The following ADAM23 variants were observed in gnomAD, a reference collection of about 807,000 sequenced individuals.
ADAM23 encodes the protein disintegrin and metalloproteinase domain-containing protein 23.
A neutral mutation model predicts 120.1 loss-of-function variants in ADAM23; 33 were observed. That is an observed-to-expected ratio of 0.27 (90% confidence interval 0.21 to 0.37). The LOEUF is 0.37. Among genes scored for constraint, ADAM23 ranks in the 10% least tolerant of loss-of-function variants. The probability of loss-of-function intolerance (pLI) is 1.00; values close to 1 mark genes in which losing one functional copy is unlikely to be tolerated. For synonymous variants in ADAM23, 367 were observed against 375.2 expected, an observed-to-expected ratio of 0.98 and a Z score of 0.25; for missense variants, 862 against 1,058.2, an observed-to-expected ratio of 0.81 and a Z score of 2.57.
intron 2 of ADAM23, among the ~76,000 whole-genome samples, chr2:206,477,227 A>G (rs1246080954): frequency 6.6e-6 from 1 of 152,188 alleles, no homozygotes; most frequent in Non-Finnish European, 1.5e-5. Context: ...TTAATATACC[A>G]TTAGATGCCA....
chr2:206,509,889 T>C (rs1365004559), intron 3 of ADAM23, among the ~76,000 whole-genome samples: 1 of 152,242 alleles, frequency 6.6e-6, no homozygotes, highest in Non-Finnish European at 1.5e-5. Flanking sequence ...GTGTGACACA[T>C]GAGTGATTCC....
chr2:206,493,739 T>C (rs866205874), intron 3 of ADAM23, among the ~76,000 whole-genome samples: 1 of 152,276 alleles, frequency 6.6e-6, no homozygotes, highest in East Asian at 1.9e-4. Flanking sequence ...ATTACAAATA[T>C]ATTTTTCCAT....
chr2:206,616,994 G>A (rs1315183190), intron 25 of ADAM23, among the ~76,000 whole-genome samples: 3 of 152,100 alleles, frequency 2.0e-5, no homozygotes, highest in Non-Finnish European at 4.4e-5. Context: ...TCCTTTGAGT[G>A]TACTGTCTTA....
rs543943125 is a variant in ADAM23 at position 206,618,802 on chromosome 2, T to A, written c.*1175T>A. On this transcript the variant is annotated 3_prime_UTR_variant, in exon 26 of 26. Coordinates refer to ENST00000264377, the MANE Select transcript of ADAM23 (RefSeq NM_003812.4). ...ACTAAGTTTCGAAAATTTTTTGATG[T>A]CATTATAAACCTATGTAAATAATGT... is the stretch of plus-strand genomic sequence containing the variant. 6.6e-6 allele frequency: 1 copy of A among 152,354 alleles called. No homozygotes were observed. Among genetic ancestry groups the A allele is most frequent in the East Asian group, 1.9e-4 (1 of 5,182 alleles). 9.4% of individuals were successfully genotyped at this position (152,354 alleles called of 1,614,324 possible). A position where few individuals can be genotyped will look rare whatever the true frequency, so the allele number is the denominator to read the frequency against.
chr2:206,473,848 AAAAT>A (rs1695717753), intron 2 of ADAM23, among the ~76,000 whole-genome samples: 1 of 151,536 alleles, frequency 6.6e-6, no homozygotes, highest in Admixed American at 6.6e-5. Context: ...TCTCTATGAA[AAAAT>A]AAATAAAAAT....
intron 3 of ADAM23, among the ~76,000 whole-genome samples, chr2:206,492,102 T>A (rs1696146365): frequency 6.6e-6 from 1 of 152,176 alleles, no homozygotes; most frequent in Non-Finnish European, 1.5e-5. Flanking sequence ...GAAAGACAAA[T>A]CTGTAGGCAT....
At chr2:206,473,446 T>C (rs1233683965) in intron 2 of ADAM23, among the ~76,000 whole-genome samples, 1 of 151,960 alleles carries the variant, frequency 6.6e-6, no homozygotes, top group Non-Finnish European at 1.5e-5. Flanking sequence ...TTACAAATAA[T>C]ATTTATGCCA....
chr2:206,617,691 A>T lies in ADAM23; in HGVS notation c.*64A>T, dbSNP rs1166277370. 6.2e-7 allele frequency: 1 copy of T among 1,601,928 alleles called. No individual in the cohort carries two copies. The highest frequency in any genetic ancestry group is 8.5e-7 in the Non-Finnish European group (1 of 1,174,106). On this transcript the variant is annotated 3_prime_UTR_variant, in exon 26 of 26. Transcript: ENST00000264377. Reference sequence around the variant, plus strand: ...ATTCTGGGTATGACATACTCGCAGCAGTGTTACTGGAACTATTAAGTTTGT... The same window carrying T: ...ATTCTGGGTATGACATACTCGCAGCTGTGTTACTGGAACTATTAAGTTTGT...
At chr2:206,562,796 CA>C (rs1697794066) in intron 13 of ADAM23, among the ~76,000 whole-genome samples, 1 of 152,214 alleles carries the variant, frequency 6.6e-6, no homozygotes, top group African/African-American at 2.4e-5. Context: ...GCCTTTTAAG[CA>C]TGGGAACAGG....
chr2:206,447,405 G>A (rs946917744), intron 2 of ADAM23, among the ~76,000 whole-genome samples: 1 of 152,160 alleles, frequency 6.6e-6, no homozygotes, highest in Non-Finnish European at 1.5e-5. Flanking sequence ...AGAGATAAAG[G>A]TTAAAAGGAT....
Position 206,561,108 on chromosome 2 carries a change from T to C in ADAM23, c.1170-20T>C, listed in dbSNP as rs545539852. The C allele has an allele frequency of 6.2e-7, 1 of 1,613,070 alleles. No homozygotes were observed. On this transcript the variant is annotated intron_variant, in intron 11 of 25. Coordinates refer to ENST00000264377, the MANE Select transcript of ADAM23 (RefSeq NM_003812.4). ...ATGGTCCACCACGTTGGTTTTCTGA[T>C]AGCACTGCTTTTTCTTAAGGCGGGT...
At chr2:206,509,917 C>G (rs1161043083) in intron 3 of ADAM23, among the ~76,000 whole-genome samples, 2 of 152,144 alleles carry the variant, frequency 1.3e-5, no homozygotes, top group African/African-American at 4.8e-5. Context: ...CTCCTGAGCC[C>G]GTGGCTTTGA....
At position 206,592,666 on chromosome 2, in the gene ADAM23, C is replaced by T. The variant is rs762340085; in HGVS notation, c.2008C>T (p.Arg670Cys). 2.5e-6 allele frequency: 4 copies of T among 1,613,860 alleles called. No individual in the cohort carries two copies. The highest frequency in any genetic ancestry group is 3.3e-5 in the Admixed American group (2 of 59,998). Residue 670 changes from arginine to cysteine, a missense_variant, in exon 22 of 26, where the codon CGT (arginine) becomes TGT (cysteine). Transcript: ENST00000264377. Reference sequence around the variant, plus strand: ...CTGTACCAATCTTACTCGAGCTCCACGTATTGGTCAACTTCAGGGTGAGAT... The same window carrying T: ...CTGTACCAATCTTACTCGAGCTCCATGTATTGGTCAACTTCAGGGTGAGAT... ...LLCTNLTRAPRIGQLQGEIIP... is the reference protein window; with the variant it reads ...LLCTNLTRAPCIGQLQGEIIP...
intron 18 of ADAM23, among the ~76,000 whole-genome samples, chr2:206,583,865 G>T (rs904211398): frequency 2.6e-5 from 4 of 152,026 alleles, no homozygotes; most frequent in Non-Finnish European, 4.4e-5. Context: ...GGTAAATCAG[G>T]AATTTCTTCT....
intron 3 of ADAM23, among the ~76,000 whole-genome samples, chr2:206,523,506 C>T (rs1045485550): frequency 4.6e-5 from 7 of 152,152 alleles, no homozygotes; most frequent in African/African-American, 1.7e-4. Context: ...CCCAGCCTCT[C>T]CATGTCCTCG....
chr2:206,522,499 G>A (rs138228414), intron 3 of ADAM23, among the ~76,000 whole-genome samples: 1 of 152,254 alleles, frequency 6.6e-6, no homozygotes, highest in East Asian at 1.9e-4. Flanking sequence ...AATGAAAAGA[G>A]TTCTTTTCCT....
intron 2 of ADAM23, among the ~76,000 whole-genome samples, chr2:206,480,662 T>G (rs1294795398): frequency 6.6e-6 from 1 of 152,138 alleles, no homozygotes; most frequent in East Asian, 1.9e-4. Flanking sequence ...AATGACAATA[T>G]TTATAAACAT....
chr2:206,473,681 T>C (rs1234730415), intron 2 of ADAM23, among the ~76,000 whole-genome samples: 2 of 151,828 alleles, frequency 1.3e-5, no homozygotes. Context: ...TCATTTGATT[T>C]CCTTAACCAT....
intron 9 of ADAM23, among the ~76,000 whole-genome samples, chr2:206,552,330 A>G (rs577237781): frequency 9.8e-5 from 15 of 152,320 alleles, no homozygotes; most frequent in African/African-American, 3.1e-4. Context: ...ACATGAAGCT[A>G]TCAATCAAAA....
Sources: gnomAD v4.1 joint callset for allele counts (sites outside exome capture counted in the v4.1 genomes callset) on GRCh38, gnomAD v4.1.1 for gene constraint, MANE v1.5 for transcripts, NCBI Gene and HGNC (gene_info 2026-07-23, HGNC 2026-07-21) for gene names.